The following LARGE1 variants were observed in gnomAD, a reference collection of about 807,000 sequenced individuals.
The protein encoded by LARGE1 is LARGE xylosyl- and glucuronyltransferase 1, also known as xylosyl- and glucuronyltransferase LARGE1.
Under a neutral mutation model 87.6 loss-of-function variants are expected in LARGE1, and 43 were observed. The ratio of observed to expected loss-of-function variants is 0.49; its 90% confidence interval spans 0.38 to 0.63. LARGE1 has a LOEUF of 0.63. LARGE1 is among the 30% of genes least tolerant of loss of function. The probability of loss-of-function intolerance (pLI) is 0.00; values close to 1 mark genes in which losing one functional copy is unlikely to be tolerated. For missense variants in LARGE1, 802 were observed against 1,000.2 expected, an observed-to-expected ratio of 0.80 and a Z score of 2.67; for synonymous variants, 434 against 394.6, an observed-to-expected ratio of 1.10 and a Z score of -1.18.
chr22:33,326,445 G>A (rs957930088), intron 10 of LARGE1, among the ~76,000 whole-genome samples: 29 of 152,146 alleles, frequency 1.9e-4, no homozygotes, highest in African/African-American at 5.1e-4. Flanking sequence ...CTTAATTCTG[G>A]GGGGCCTTTG....
chr22:33,913,642 C>T lies in LARGE1; in HGVS notation c.-83+6353G>A, dbSNP rs369566466. Among the ~76,000 whole-genome samples, 19 of 152,230 alleles carry T rather than the reference C, an allele frequency of 1.2e-4. No homozygotes were observed. The South Asian group carries it at 2.9e-3, about 23-fold the overall frequency. ...CACTGCAACCTCTGCCTCACAGGTT[C>T]GAGCCATTCTCCTACCTCAGCCTCC... On this transcript the variant is annotated intron_variant, in intron 1 of 14. Transcript: ENST00000397394.
intron 12 of LARGE1, among the ~76,000 whole-genome samples, chr22:33,287,461 CAG>C (rs1931758138): frequency 6.6e-6 from 1 of 152,182 alleles, no homozygotes; most frequent in Admixed American, 6.5e-5. Flanking sequence ...AGATCTATTT[CAG>C]AGTCAGTTCA....
At chr22:33,748,891 T>A (rs558052220) in intron 2 of LARGE1, among the ~76,000 whole-genome samples, 2 of 152,350 alleles carry the variant, frequency 1.3e-5, no homozygotes, top group South Asian at 4.1e-4. Flanking sequence ...CTGCTGAGGC[T>A]GTGAGCTTCG....
chr22:33,694,552 T>C (rs1013496565), intron 2 of LARGE1, among the ~76,000 whole-genome samples: 5 of 152,214 alleles, frequency 3.3e-5, no homozygotes, highest in Admixed American at 2.0e-4. Flanking sequence ...ATTTTTTTTT[T>C]CATCACAATA....
chr22:33,107,606 T>G, the LARGE1 span, among the ~76,000 whole-genome samples: 2 of 152,228 alleles, frequency 1.3e-5, no homozygotes, highest in Non-Finnish European at 2.9e-5. Flanking sequence ...GGCTCATGCC[T>G]GTAATCCCAG....
intron 7 of LARGE1, among the ~76,000 whole-genome samples, chr22:33,421,941 G>A (rs1221169380): frequency 6.6e-6 from 1 of 152,258 alleles, no homozygotes; most frequent in East Asian, 1.9e-4. Context: ...ATAAGCTTTG[G>A]TTGGGTCACT....
At chr22:33,461,789 A>T (rs2068394056) in intron 6 of LARGE1, among the ~76,000 whole-genome samples, 1 of 152,226 alleles carries the variant, frequency 6.6e-6, no homozygotes, top group East Asian at 1.9e-4. Context: ...GGGAGAAGCC[A>T]ATCTCCATGT....
At chr22:33,725,556 TG>T (rs1161357611) in intron 2 of LARGE1, 4 of 150,788 alleles carry the variant, frequency 2.7e-5, no homozygotes, top group Non-Finnish European at 5.9e-5. Context: ...AGAGAAGGTC[TG>T]GGAGCATGCA....
intron 10 of LARGE1, among the ~76,000 whole-genome samples, chr22:33,333,965 A>G (rs988987955): frequency 4.6e-5 from 7 of 152,056 alleles, no homozygotes; most frequent in Middle Eastern, 6.8e-3. Context: ...CTAAAAATAC[A>G]AAAAAAGTTA....
At chr22:33,531,409 C>T (rs544060100) in intron 6 of LARGE1, among the ~76,000 whole-genome samples, 17 of 152,232 alleles carry the variant, frequency 1.1e-4, no homozygotes, top group Admixed American at 4.6e-4. Context: ...CCACCCGCCT[C>T]GGCCTCCCAA....
At chr22:33,840,750 A>C (rs1449660869) in intron 1 of LARGE1, among the ~76,000 whole-genome samples, 1 of 151,854 alleles carries the variant, frequency 6.6e-6, no homozygotes, top group Non-Finnish European at 1.5e-5. Flanking sequence ...GGCTCACTGC[A>C]GCCTAAACTC....
At chr22:33,455,628 C>A (rs1252632761) in intron 6 of LARGE1, among the ~76,000 whole-genome samples, 1 of 151,828 alleles carries the variant, frequency 6.6e-6, no homozygotes, top group Non-Finnish European at 1.5e-5. Context: ...GTGGTGTGTG[C>A]CCGTAATTCC....
chr22:33,321,272 C>T (rs972014011), intron 10 of LARGE1, among the ~76,000 whole-genome samples: 1 of 152,186 alleles, frequency 6.6e-6, no homozygotes, highest in African/African-American at 2.4e-5. Flanking sequence ...ACTTTTTGTC[C>T]TCAAACCTCA....
intron 11 of LARGE1, among the ~76,000 whole-genome samples, chr22:33,195,818 G>A (rs1430722154): frequency 6.8e-6 from 1 of 147,316 alleles, no homozygotes. Flanking sequence ...GCAGTGGCGC[G>A]ATCTCAGCTC....
intron 7 of LARGE1, among the ~76,000 whole-genome samples, chr22:33,401,971 T>G (rs1212641893): frequency 6.6e-6 from 1 of 152,186 alleles, no homozygotes; most frequent in Non-Finnish European, 1.5e-5. Context: ...ATCCTGCCCA[T>G]TCACCCCCAT....
chr22:33,133,473 T>C, the LARGE1 span, among the ~76,000 whole-genome samples: 1 of 152,192 alleles, frequency 6.6e-6, no homozygotes, highest in African/African-American at 2.4e-5. Context: ...AATGATGGTT[T>C]CCAGCTTTAT....
the LARGE1 span, among the ~76,000 whole-genome samples, chr22:33,102,581 C>T: frequency 1.3e-5 from 2 of 152,086 alleles, no homozygotes; most frequent in Non-Finnish European, 2.9e-5. Context: ...CCTCCGCCTC[C>T]CGGGTTCAAG....
rs570809144 is a variant in LARGE1, at chr22:33,859,227, C to T, written c.-83+60768G>A. ...AAATGACTAGCCCCAAGGGAGCTCA[C>T]CTTATAAATGCAAACCTGTATCATG... On this transcript the variant is annotated intron_variant, in intron 1 of 14. Coordinates refer to ENST00000397394, the MANE Select transcript of LARGE1 (RefSeq NM_133642.5). 2.6e-5 allele frequency among the ~76,000 whole-genome samples: 4 copies of T among 152,212 alleles called. 1 individual carries two copies. Among genetic ancestry groups the T allele is most frequent in the African/African-American group, 9.6e-5 (4 of 41,522 alleles).
intron 1 of LARGE1, among the ~76,000 whole-genome samples, chr22:33,763,958 T>C (rs1047045272): frequency 2.0e-5 from 3 of 146,660 alleles, no homozygotes; most frequent in Non-Finnish European, 3.0e-5. Context: ...CAAGGGATTC[T>C]CCTGCCTCAG....
Sources: gnomAD v4.1 joint callset for allele counts (sites outside exome capture counted in the v4.1 genomes callset) on GRCh38, gnomAD v4.1.1 for gene constraint, MANE v1.5 for transcripts, NCBI Gene and HGNC (gene_info 2026-07-23, HGNC 2026-07-21) for gene names.